MAPKAP1: variants seen among roughly 807,000 people sequenced by gnomAD.
MAPKAP1 encodes MAPK associated protein 1.
A neutral mutation model predicts 65.7 loss-of-function variants in MAPKAP1; 20 were observed. The observed-to-expected ratio is 0.30, with a 90% CI of 0.21 to 0.44. The LOEUF is 0.44. MAPKAP1 is among the 20% of genes least tolerant of loss of function. The pLI, the probability that MAPKAP1 is intolerant of heterozygous loss-of-function variation, is 1.00. For synonymous variants in MAPKAP1, 222 were observed against 244.3 expected, an observed-to-expected ratio of 0.91 and a Z score of 0.85; for missense variants, 423 against 648.0, an observed-to-expected ratio of 0.65 and a Z score of 3.77.
At chr9:125,525,516 A>G (rs1829736383) in intron 7 of MAPKAP1, among the ~76,000 whole-genome samples, 1 of 152,062 alleles carries the variant, frequency 6.6e-6, no homozygotes. Flanking sequence ...TCTACTAAAA[A>G]TACAAAATTA....
intron 10 of MAPKAP1, among the ~76,000 whole-genome samples, chr9:125,449,258 G>C (rs1057000456): frequency 6.6e-6 from 1 of 152,146 alleles, no homozygotes; most frequent in Non-Finnish European, 1.5e-5. Flanking sequence ...CCCTTCCAAG[G>C]TTTGCCTGGC....
chr9:125,577,611 T>TGG (rs1169402533), intron 5 of MAPKAP1, among the ~76,000 whole-genome samples: 2,779 of 32,938 alleles, frequency 0.084, 184 homozygotes, highest in Middle Eastern at 0.14. Flanking sequence ...GGGAGGGAGG[T>TGG]GGGGGGGGTC....
intron 11 of MAPKAP1, among the ~76,000 whole-genome samples, chr9:125,441,477 T>A (rs1299112908): frequency 6.6e-6 from 1 of 152,230 alleles, no homozygotes; most frequent in Non-Finnish European, 1.5e-5. Context: ...TTAGATGTAC[T>A]GCATGTAGCT....
intron 5 of MAPKAP1, among the ~76,000 whole-genome samples, chr9:125,582,699 GC>G (rs1489730178): frequency 6.6e-6 from 1 of 152,302 alleles, no homozygotes; most frequent in Admixed American, 6.5e-5. Flanking sequence ...GCCTTGTTCA[GC>G]TTCTTTTCAT....
chr9:125,523,692 T>G (rs1829682915), intron 7 of MAPKAP1, among the ~76,000 whole-genome samples: 1 of 152,246 alleles, frequency 6.6e-6, no homozygotes, highest in Non-Finnish European at 1.5e-5. Context: ...AAAGAGATTT[T>G]TCTTTCCCAC....
chr9:125,654,777 A>G (rs1399557962), intron 4 of MAPKAP1, among the ~76,000 whole-genome samples: 1 of 152,208 alleles, frequency 6.6e-6, no homozygotes, highest in African/African-American at 2.4e-5. Context: ...AGAACACTAT[A>G]TGTGCCTGCT....
chr9:125,693,618 C>T (rs1835256092), intron 1 of MAPKAP1, among the ~76,000 whole-genome samples: 1 of 150,050 alleles, frequency 6.7e-6, no homozygotes, highest in Admixed American at 6.7e-5. Context: ...CATATATACA[C>T]ACATATATAC....
intron 3 of MAPKAP1, among the ~76,000 whole-genome samples, chr9:125,658,392 T>C (rs1834093291): frequency 6.6e-6 from 1 of 152,198 alleles, no homozygotes; most frequent in Admixed American, 6.5e-5. Context: ...TCAAGTGTAG[T>C]AACAGTAGCT....
intron 4 of MAPKAP1, among the ~76,000 whole-genome samples, chr9:125,598,377 CTG>C (rs1832202476): frequency 6.6e-6 from 1 of 152,178 alleles, no homozygotes; most frequent in African/African-American, 2.4e-5. Context: ...TCACTGGACA[CTG>C]TATTTTCTGA....
At chr9:125,576,764 G>A (rs1364571849) in intron 5 of MAPKAP1, among the ~76,000 whole-genome samples, 27 of 152,210 alleles carry the variant, frequency 1.8e-4, no homozygotes, top group South Asian at 6.2e-4. Context: ...CGAGTGATCC[G>A]CCAGCCTCGG....
At chr9:125,657,991 T>G (rs944193166) in intron 3 of MAPKAP1, among the ~76,000 whole-genome samples, 192 bp from the exon 4 acceptor site, 2 of 151,998 alleles carry the variant, frequency 1.3e-5, no homozygotes, top group Non-Finnish European at 1.5e-5. Context: ...CAGGCCAGGA[T>G]AGTCAATTTG....
At chr9:125,598,957 T>C (rs562882926) in intron 4 of MAPKAP1, among the ~76,000 whole-genome samples, 2 of 151,696 alleles carry the variant, frequency 1.3e-5, no homozygotes, top group South Asian at 2.1e-4. Flanking sequence ...GGAGAATCAC[T>C]TGAACCCAGG....
At chr9:125,609,814 T>G (rs745967659) in intron 4 of MAPKAP1, among the ~76,000 whole-genome samples, 17 of 152,244 alleles carry the variant, frequency 1.1e-4, no homozygotes, top group Non-Finnish European at 2.2e-4. Flanking sequence ...TCTTGAACAT[T>G]TCTGGAAAGA....
intron 5 of MAPKAP1, among the ~76,000 whole-genome samples, chr9:125,575,724 G>A (rs540944975): frequency 2.0e-5 from 3 of 152,244 alleles, no homozygotes; most frequent in Non-Finnish European, 4.4e-5. Flanking sequence ...TGAGGATTTG[G>A]AGCAACAACT....
chr9:125,693,834 T>TAC lies in MAPKAP1; in HGVS notation c.-70+13136_-70+13137insGT, dbSNP rs1430763244. Among the ~76,000 whole-genome samples the TAC allele has an allele frequency of 3.0e-3, 265 of 87,830 alleles. 7 individuals are homozygous for TAC. Among genetic ancestry groups the TAC allele is most frequent in the Middle Eastern group, 0.011 (2 of 178 alleles). The allele number at this position is 87,830 out of a possible 152,430, so 57.6% of individuals were successfully genotyped here. ...ACACACATATACACACACACACATA[T>TAC]ATATACACACATACACACACACACA... On this transcript the variant is annotated intron_variant, in intron 1 of 11. Coordinates refer to ENST00000265960, the MANE Select transcript of MAPKAP1 (RefSeq NM_001006617.3).
intron 4 of MAPKAP1, among the ~76,000 whole-genome samples, chr9:125,620,991 G>C (rs1269725795): frequency 6.6e-6 from 1 of 152,108 alleles, no homozygotes; most frequent in South Asian, 2.1e-4. Context: ...GTGCCATCAG[G>C]CCAGATGCGG....
rs117478124 is a variant in MAPKAP1, at chr9:125,513,807, C to T, written c.959-7390G>A. Reference sequence around the variant, plus strand: ...GGGGCAGGGAATGCTGGCATCAAAGCGAAAGTCTGTGCTCTTTCCCTCGTG... The same window carrying T: ...GGGGCAGGGAATGCTGGCATCAAAGTGAAAGTCTGTGCTCTTTCCCTCGTG... On this transcript the variant is annotated intron_variant, in intron 7 of 11. Transcript: ENST00000265960. Among the ~76,000 whole-genome samples, 430 of 152,226 alleles carry T rather than the reference C, an allele frequency of 2.8e-3. 7 individuals carry two copies. Among genetic ancestry groups the T allele is most frequent in the East Asian group, 0.018 (93 of 5,184 alleles).
intron 4 of MAPKAP1, among the ~76,000 whole-genome samples, chr9:125,629,207 T>C (rs1833202100): frequency 6.6e-6 from 1 of 152,070 alleles, no homozygotes; most frequent in South Asian, 2.1e-4. Flanking sequence ...CCTCAAAAAA[T>C]TACAAATTGC....
At chr9:125,456,875 T>C (rs1264417582) in intron 10 of MAPKAP1, among the ~76,000 whole-genome samples, 2 of 151,952 alleles carry the variant, frequency 1.3e-5, no homozygotes, top group Admixed American at 6.5e-5. Flanking sequence ...TGTAAGACAG[T>C]AAATGTTACT....
Sources: gnomAD v4.1 joint callset for allele counts (sites outside exome capture counted in the v4.1 genomes callset) on GRCh38, gnomAD v4.1.1 for gene constraint, MANE v1.5 for transcripts, NCBI Gene and HGNC (gene_info 2026-07-23, HGNC 2026-07-21) for gene names.